The following CNTN1 variants were observed in gnomAD, a reference collection of about 807,000 sequenced individuals.
CNTN1 encodes the protein contactin 1, also known as contactin-1.
CNTN1 carries 38 observed loss-of-function variants against 126.4 expected under a neutral mutation model. The observed-to-expected ratio is 0.30, with a 90% CI of 0.23 to 0.39. The LOEUF is 0.39. Among genes scored for constraint, CNTN1 ranks in the 10% least tolerant of loss-of-function variants. The pLI, the probability that CNTN1 is intolerant of heterozygous loss-of-function variation, is 1.00. For missense variants in CNTN1, 1,009 were observed against 1,248.4 expected (o/e 0.81, Z 2.89); for synonymous variants, 413 against 422.6 (o/e 0.98, Z 0.28).
At chr12:40,916,698 T>A (rs569837577) in intron 3 of CNTN1, among the ~76,000 whole-genome samples, 1 of 152,242 alleles carries the variant, frequency 6.6e-6, no homozygotes, top group South Asian at 2.1e-4. Flanking sequence ...AGAGCATCTC[T>A]GTGACTACCT....
intron 1 of CNTN1, among the ~76,000 whole-genome samples, chr12:40,702,967 G>A (rs560521524): frequency 1.3e-5 from 2 of 152,032 alleles, no homozygotes; most frequent in African/African-American, 2.4e-5. Context: ...GTATATTCCT[G>A]GGAATATTTT....
chr12:40,760,231 G>GAA (rs1218001555), intron 1 of CNTN1, among the ~76,000 whole-genome samples: 8 of 152,024 alleles, frequency 5.3e-5, no homozygotes, highest in African/African-American at 1.9e-4. Context: ...AGTTCATACT[G>GAA]GCTTTTACAA....
At chr12:41,055,867 T>C (rs1366837957) in intron 23 of CNTN1, among the ~76,000 whole-genome samples, 1 of 152,122 alleles carries the variant, frequency 6.6e-6, no homozygotes, top group Non-Finnish European at 1.5e-5. Flanking sequence ...ACAGGGACAT[T>C]ACAGCCACGG....
At chr12:40,994,028 A>C (rs956648400) in intron 17 of CNTN1, among the ~76,000 whole-genome samples, 1 of 152,108 alleles carries the variant, frequency 6.6e-6, no homozygotes, top group African/African-American at 2.4e-5. Context: ...TGTTTTTGTT[A>C]TTATTATTCT....
intron 1 of CNTN1, among the ~76,000 whole-genome samples, chr12:40,889,470 TAAC>T (rs531370683): frequency 2.5e-4 from 38 of 152,340 alleles, no homozygotes; most frequent in Admixed American, 1.2e-3. Flanking sequence ...GGCATAGTTA[TAAC>T]TCTCAAAACA....
chr12:41,068,512 G>T (rs1950096764), intron 23 of CNTN1, among the ~76,000 whole-genome samples: 1 of 151,896 alleles, frequency 6.6e-6, no homozygotes, highest in Admixed American at 6.6e-5. Context: ...ATGTTTCCAG[G>T]CAGCTCCAAA....
chr12:40,851,493 A>G (rs12824161), intron 1 of CNTN1, among the ~76,000 whole-genome samples: 21,681 of 152,280 alleles, frequency 0.14, 1,641 homozygotes, highest in Middle Eastern at 0.21. Context: ...TGGGACATCT[A>G]TCTTTCAGCC....
chr12:40,909,547 C>T lies in CNTN1; in HGVS notation c.62-526C>T, dbSNP rs569265743. Among the ~76,000 whole-genome samples, 66 of 151,688 alleles carry T rather than the reference C, an allele frequency of 4.4e-4. 2 individuals carry two copies. The highest frequency in any genetic ancestry group is 3.9e-4 in the East Asian group (2 of 5,154). On this transcript the variant is annotated intron_variant, in intron 2 of 23. Coordinates refer to ENST00000551295, the MANE Select transcript of CNTN1 (RefSeq NM_001843.4). The stretch of plus-strand genomic sequence containing the variant: ...TTGATCACTTTAATGATTAATCTGA[C>T]GGGCATCATTATTAAGAACATAAAA...
chr12:40,748,005 G>A lies in CNTN1; in HGVS notation c.-77+55413G>A, dbSNP rs1283354998. 5.3e-5 allele frequency among the ~76,000 whole-genome samples: 8 copies of A among 152,094 alleles called. No individual in the cohort carries two copies. The South Asian group carries it at 1.4e-3, about 28-fold the overall frequency. On this transcript the variant is annotated intron_variant, in intron 1 of 23. Coordinates refer to ENST00000551295, the MANE Select transcript of CNTN1 (RefSeq NM_001843.4). ...CCACATTGTGGAGGGCATAAAATAC[G>A]AAGTTCAGAAGTTTGTACTTCATCC... is the stretch of plus-strand genomic sequence containing the variant.
intron 17 of CNTN1, among the ~76,000 whole-genome samples, chr12:41,010,752 T>C (rs572571657): frequency 5.3e-4 from 81 of 152,284 alleles, no homozygotes; most frequent in African/African-American, 1.9e-3. Context: ...TTGGAAAGTA[T>C]AGAGTAATTA....
At chr12:41,021,220 A>G (rs372962805) in intron 20 of CNTN1, among the ~76,000 whole-genome samples, 14 of 152,334 alleles carry the variant, frequency 9.2e-5, no homozygotes, top group Middle Eastern at 6.8e-3. Context: ...TCACTTACAG[A>G]AAGTGTCAGA....
intron 1 of CNTN1, among the ~76,000 whole-genome samples, chr12:40,717,763 T>A (rs1193801176): frequency 6.6e-6 from 1 of 152,216 alleles, no homozygotes; most frequent in Non-Finnish European, 1.5e-5. Context: ...AAATTGCTCC[T>A]GTAAACATGG....
At chr12:40,951,494 A>G (rs1256523319) in intron 14 of CNTN1, among the ~76,000 whole-genome samples, 1 of 152,018 alleles carries the variant, frequency 6.6e-6, no homozygotes, top group Non-Finnish European at 1.5e-5. Flanking sequence ...CCCTAACAAA[A>G]ACTAGATAAC....
At chr12:40,740,364 C>A (rs144869264) in intron 1 of CNTN1, among the ~76,000 whole-genome samples, 1 of 152,160 alleles carries the variant, frequency 6.6e-6, no homozygotes, top group African/African-American at 2.4e-5. Flanking sequence ...ATTTATGTCA[C>A]CTTTCTTCTG....
At chr12:40,746,474 G>C (rs1383957869) in intron 1 of CNTN1, among the ~76,000 whole-genome samples, 1 of 152,104 alleles carries the variant, frequency 6.6e-6, no homozygotes, top group Non-Finnish European at 1.5e-5. Context: ...GTAAGTTTAA[G>C]AGCAGGAGTA....
intron 1 of CNTN1, among the ~76,000 whole-genome samples, chr12:40,851,596 A>G (rs1342754150): frequency 6.6e-6 from 1 of 151,938 alleles, no homozygotes; most frequent in African/African-American, 2.4e-5. Context: ...TGTTATTCAT[A>G]CTTTTTTCTC....
intron 23 of CNTN1, among the ~76,000 whole-genome samples, chr12:41,060,963 AC>A (rs1458723728): frequency 6.6e-6 from 1 of 152,112 alleles, no homozygotes; most frequent in Non-Finnish European, 1.5e-5. Flanking sequence ...TTGCATTTTA[AC>A]CCCATTATGT....
intron 1 of CNTN1, among the ~76,000 whole-genome samples, chr12:40,813,058 T>TTC (rs1941136218): frequency 7.6e-5 from 8 of 104,704 alleles, no homozygotes; most frequent in Admixed American, 2.9e-4. Context: ...TTTCTTTCTT[T>TTC]CTTCCTTCCT....
intron 1 of CNTN1, among the ~76,000 whole-genome samples, chr12:40,804,614 G>T (rs1446489791): frequency 6.6e-6 from 1 of 151,936 alleles, no homozygotes; most frequent in African/African-American, 2.4e-5. Context: ...CATCAAGAGA[G>T]CAGGGCTTAG....
Sources: gnomAD v4.1 joint callset for allele counts (sites outside exome capture counted in the v4.1 genomes callset) on GRCh38, gnomAD v4.1.1 for gene constraint, MANE v1.5 for transcripts, NCBI Gene and HGNC (gene_info 2026-07-23, HGNC 2026-07-21) for gene names.